Variants in HELZ2 observed in about 807,000 individuals in gnomAD.
The protein encoded by HELZ2 is 3'-5' exoribonuclease HELZ2.
In HELZ2, 143 loss-of-function variants were observed where a neutral mutation model predicts 208.8. That is an observed-to-expected ratio of 0.68 (90% CI 0.60 to 0.79). The LOEUF (loss-of-function observed/expected upper bound fraction) is 0.79, where lower values mean the gene tolerates loss of function less well. HELZ2 is among the 30% of genes least tolerant of loss of function. The pLI, the probability that HELZ2 is intolerant of heterozygous loss-of-function variation, is 0.00. For missense variants in HELZ2, 3,690 were observed against 3,794.5 expected, an observed-to-expected ratio of 0.97 and a Z score of 0.72; for synonymous variants, 1,705 against 1,693.7, an observed-to-expected ratio of 1.01 and a Z score of -0.16.
At chr20:63,563,191 C>G in exon 8 of HELZ2, 2 of 1,588,562 alleles carry the variant, frequency 1.3e-6, no homozygotes, top group Non-Finnish European at 1.7e-6. Flanking sequence ...CCCCACTGCC[C>G]AGCTCCCGGG....
chr20:63,569,629 G>C (rs1384858449), exon 4 of HELZ2: 1 of 1,546,524 alleles, frequency 6.5e-7, no homozygotes, highest in African/African-American at 1.4e-5. Flanking sequence ...TCGGCTCCTG[G>C]CTCCTGCTTC....
exon 6 of HELZ2, chr20:63,567,529 A>G (rs1360139506): frequency 6.4e-7 from 1 of 1,565,664 alleles, no homozygotes; most frequent in Non-Finnish European, 8.7e-7. Context: ...CGTCTGGCTC[A>G]GCGGCCGGTC....
Position 63,560,703 on chromosome 20 carries a change from G to A in HELZ2, c.7282-6C>T, listed in dbSNP as rs776218281. ...AAGGCACAGATGCCCTCATGCTGCAGGCAAGGATGTGCGCTGGTCAGAGGC... is the reference window on the plus strand; with the variant it reads ...AAGGCACAGATGCCCTCATGCTGCAAGCAAGGATGTGCGCTGGTCAGAGGC... On this transcript the variant is annotated splice_region_variant and splice_polypyrimidine_tract_variant and intron_variant, in intron 15 of 18. Coordinates refer to ENST00000467148, the Ensembl canonical transcript of HELZ2. 1.9e-6 allele frequency: 3 copies of A among 1,607,896 alleles called. No homozygotes were observed. The highest frequency in any genetic ancestry group is 4.5e-5 in the East Asian group (2 of 44,846).
At chr20:63,564,082 G>C (rs543940078) in exon 8 of HELZ2, 2 of 1,607,814 alleles carry the variant, frequency 1.2e-6, no homozygotes, top group Admixed American at 1.7e-5. Flanking sequence ...GGTGGTGGCC[G>C]AGGTGCAGTG....
exon 12 of HELZ2, chr20:63,561,636 C>G: frequency 1.2e-6 from 2 of 1,611,956 alleles, no homozygotes; most frequent in Non-Finnish European, 1.7e-6. Context: ...CCCGGGGGCT[C>G]TTCCTGAGCA....
chr20:63,567,292 C>G (rs374235801), exon 6 of HELZ2: 1 of 1,610,074 alleles, frequency 6.2e-7, no homozygotes, highest in African/African-American at 1.3e-5. Flanking sequence ...CAGCACGAGG[C>G]GGGTGCCGTG....
Position 63,568,637 on chromosome 20 carries a change from G to A in HELZ2, c.1451C>T (p.Ala484Val), listed in dbSNP as rs531291632. 6 of 1,603,786 alleles carry A rather than the reference G, an allele frequency of 3.7e-6. No homozygotes were observed. In the East Asian group the frequency reaches 1.3e-4, roughly 36 times the overall value. Residue 484 changes from alanine (A) to valine (V), a missense_variant, in exon 5 of 19, where the codon GCA becomes GTA. Physicochemically the swap from Ala to Val is moderately conservative, Grantham distance 64. Coordinates refer to ENST00000467148, the Ensembl canonical transcript of HELZ2. ...CTGCTCCTCAGGCAGTGTGTCCACT[G>A]CCTGGTGCCAGAGGCGGAAGGTCAT...
chr20:63,559,066 A>AGTGTGGG, downstream of HELZ2: 1 of 644,160 alleles, frequency 1.6e-6, no homozygotes, highest in African/African-American at 1.9e-5. Context: ...GAGGAGCAAG[A>AGTGTGGG]GTGTGGGGAC....
chr20:63,560,233 C>A (rs769620468), exon 17 of HELZ2: 2 of 1,558,940 alleles, frequency 1.3e-6, no homozygotes, highest in Non-Finnish European at 1.7e-6. Flanking sequence ...AAGGGCCTTG[C>A]TGATCTCAGA....
At chr20:63,571,651 TACA>T in intron 1 of HELZ2, 1 of 30,740 alleles carries the variant, frequency 3.3e-5, no homozygotes, top group Non-Finnish European at 5.7e-5. Flanking sequence ...TGGCTCTGCC[TACA>T]GTGGGCTCCT....
exon 8 of HELZ2, chr20:63,563,450 A>G: frequency 6.6e-7 from 1 of 1,526,062 alleles, no homozygotes; most frequent in Non-Finnish European, 8.8e-7. Context: ...CAGGAGCCGC[A>G]GGCCCGGCCG....
Position 63,569,591 on chromosome 20 carries a change from CG to C in HELZ2, c.644del (p.Pro215ArgfsTer100). On this transcript the variant is annotated frameshift_variant, in exon 4 of 19. Transcript: ENST00000467148. LOFTEE classifies it high-confidence loss of function. ...CACCCCGTGCGTAGAGCCGGCCTGG[CG>C]GGAGGCCGGGAGCCACCAGAGAGAA... 6.4e-7 allele frequency: 1 copy of C among 1,567,246 alleles called. No individual in the cohort carries two copies. The highest frequency in any genetic ancestry group is 8.6e-7 in the Non-Finnish European group (1 of 1,156,882).
Position 63,567,097 on chromosome 20 carries a change from G to A in HELZ2, c.2261C>T (p.Ser754Leu), listed in dbSNP as rs148657138. The change falls in exon 6 of 19, where the codon TCG becomes TTG. Residue 754 changes from serine (S) to leucine (L), a missense_variant. By Grantham distance (145) the Ser-to-Leu change is moderately radical. Transcript: ENST00000467148. ...GCCCTTGGCCACGTAGAAGTGCCGC[G>A]AGATGAAGCTGACAATGGCGTCCGT... is the stretch of plus-strand genomic sequence containing the variant. 6.3e-4 allele frequency: 1,012 copies of A among 1,612,084 alleles called. 4 individuals carry two copies. Among genetic ancestry groups the A allele is most frequent in the South Asian group, 1.2e-3 (109 of 91,090 alleles).
At chr20:63,565,993 G>C (rs748241928) in exon 8 of HELZ2, 2 of 1,598,394 alleles carry the variant, frequency 1.3e-6, no homozygotes, top group Non-Finnish European at 1.7e-6. Flanking sequence ...ACAGGCCCTC[G>C]GGGCAGACAC....
At chr20:63,560,387 A>G in intron 16 of HELZ2, 60 bp from the exon 18 acceptor site, 1 of 1,577,742 alleles carries the variant, frequency 6.3e-7, no homozygotes, top group Admixed American at 1.7e-5. Context: ...CTCCTCCAGG[A>G]AGCCCTCCCT....
At chr20:63,572,427 G>A (rs373294176) in exon 1 of HELZ2, 153 of 1,455,012 alleles carry the variant, frequency 1.1e-4, no homozygotes, top group Admixed American at 3.0e-4. Flanking sequence ...GACTCCCCAC[G>A]CCAGCACGGC....
At chr20:63,562,829 C>T (rs1228924443) in exon 8 of HELZ2, 1 of 1,610,332 alleles carries the variant, frequency 6.2e-7, no homozygotes, top group African/African-American at 1.3e-5. Context: ...GATGTCGGCA[C>T]AGTTCTCCTC....
At chr20:63,563,379 C>A (rs1209590498) in exon 8 of HELZ2, 1 of 1,536,850 alleles carries the variant, frequency 6.5e-7, no homozygotes, top group East Asian at 2.4e-5. Context: ...GGGTCCGGCA[C>A]AGTGCCAGGC....
chr20:63,560,830 C>T lies in HELZ2; in HGVS notation c.7246G>A (p.Glu2416Lys), dbSNP rs115369065. 8.7e-5 allele frequency: 141 copies of T among 1,613,066 alleles called. No individual in the cohort carries two copies. The African/African-American group carries it at 1.5e-3, about 17-fold the overall frequency. ...TGAGTGTCCAGCATATGTGCGTCCT[C>T]GTGGTACCGCTCGAACAGAGACCGG... Residue 2416 changes from glutamate to lysine, a missense_variant, in exon 15 of 19, where the codon GAG becomes AAG. Around this residue, in one of 3 missense-constraint regions of HELZ2, gnomAD observed 2,564 missense variants for 2,580.5 expected, o/e 0.99. Transcript: ENST00000467148.
Sources: allele counts gnomAD v4.1 joint callset, GRCh38; gene constraint gnomAD v4.1.1; regional missense constraint gnomAD v4.1.1; transcripts MANE v1.5; gene names NCBI Gene and HGNC (gene_info 2026-07-23, HGNC 2026-07-21).